GAS7: variants seen among roughly 807,000 people sequenced by gnomAD.
The protein encoded by GAS7 is growth arrest-specific protein 7.
A neutral mutation model predicts 71.1 loss-of-function variants in GAS7; 28 were observed. That is an observed-to-expected ratio of 0.39 (90% confidence interval 0.29 to 0.54). The LOEUF is 0.54. Among genes scored for constraint, GAS7 ranks in the 20% least tolerant of loss-of-function variants. The probability of loss-of-function intolerance (pLI) is 0.62; values close to 1 mark genes in which losing one functional copy is unlikely to be tolerated. For synonymous variants in GAS7, 258 were observed against 245.8 expected, an observed-to-expected ratio of 1.05 and a Z score of -0.46; for missense variants, 436 against 627.8, an observed-to-expected ratio of 0.69 and a Z score of 3.27.
In GAS7 at chr17:10,089,524, A is replaced by C. The variant is rs938995916; in HGVS notation, c.184-69627T>G. Among the ~76,000 whole-genome samples the C allele has an allele frequency of 5.0e-4, 76 of 152,300 alleles. No homozygotes were observed. In the East Asian group the frequency reaches 0.01, roughly 21 times the overall value. On this transcript the variant is annotated intron_variant, in intron 1 of 13. Coordinates refer to ENST00000432992, the MANE Select transcript of GAS7 (RefSeq NM_201433.2). ...TCAGAGAAAGAGAACACAGTAAAAA[A>C]AAAAAAAAAGTATTTAAAGACCATG...
Position 10,034,057 on chromosome 17 carries a change from A to G in GAS7, c.184-14160T>C. 1 of 930,778 alleles carries G rather than the reference A, an allele frequency of 1.1e-6. No individual in the cohort carries two copies. The allele number at this position is 930,778 out of a possible 1,614,324, so 57.7% of individuals were successfully genotyped here. A position where few individuals can be genotyped will look rare whatever the true frequency, so the allele number is the denominator to read the frequency against. ...TGGAGCTGCTGCCGCTGGCACATAT[A>G]AAGTAGGCAAATGGTGACAGCCAAG... On this transcript the variant is annotated intron_variant, in intron 1 of 13. Transcript: ENST00000432992. This position sits in a 1 kb window ranked among gnomAD's most constrained non-coding sequence, Gnocchi z 4.4.
intron 1 of GAS7, among the ~76,000 whole-genome samples, chr17:10,115,922 C>G (rs1307972188): frequency 6.6e-6 from 1 of 152,182 alleles, no homozygotes; most frequent in Admixed American, 6.5e-5. Context: ...CTCTCCCAAA[C>G]AGATCATCCA....
chr17:10,168,701 G>A (rs1043628387), intron 1 of GAS7, among the ~76,000 whole-genome samples: 10 of 152,150 alleles, frequency 6.6e-5, no homozygotes, highest in African/African-American at 2.4e-4. Flanking sequence ...GGCTGGGCAC[G>A]GTGGCTCATG....
chr17:9,913,725 C>A lies in GAS7; in HGVS notation c.*3503G>T. 1 of 231,830 alleles carries A rather than the reference C, an allele frequency of 4.3e-6. No homozygotes were observed. The highest frequency in any genetic ancestry group is 8.5e-6 in the Non-Finnish European group (1 of 117,154). 14.4% of individuals were successfully genotyped at this position (231,830 alleles called of 1,614,324 possible). On this transcript the variant is annotated 3_prime_UTR_variant, in exon 14 of 14. Coordinates refer to ENST00000432992, the MANE Select transcript of GAS7 (RefSeq NM_201433.2). ...GCCGCCATCCCCACGGTCCAAGGGGCCTATGTGTTGCCACTGACTGAAAGC... is the reference window on the plus strand; with the variant it reads ...GCCGCCATCCCCACGGTCCAAGGGGACTATGTGTTGCCACTGACTGAAAGC...
At position 9,918,002 on chromosome 17, in the gene GAS7, C is replaced by T. The variant is rs1357662469; in HGVS notation, c.1316G>A (p.Ser439Asn). Residue 439 changes from serine to asparagine, a missense_variant and splice_region_variant, in exon 13 of 14, where the codon AGC (serine) becomes AAC (asparagine). Coordinates refer to ENST00000432992, the MANE Select transcript of GAS7 (RefSeq NM_201433.2). ...AGCCCCGCTGGGCTGGAAACTCACG[C>T]TTTGGTTGAACATGTCTGTTTCATG... ...LRHETDMFNQSTVEPVDQLLR... is the reference protein window; with the variant it reads ...LRHETDMFNQNTVEPVDQLLR... 2 of 1,611,030 alleles carry T rather than the reference C, an allele frequency of 1.2e-6. No homozygotes were observed. Among genetic ancestry groups the T allele is most frequent in the Non-Finnish European group, 1.7e-6 (2 of 1,177,508 alleles).
chr17:9,977,751 AG>A (rs919688724), intron 3 of GAS7, among the ~76,000 whole-genome samples: 9 of 47,448 alleles, frequency 1.9e-4, no homozygotes, highest in South Asian at 1.6e-3. Flanking sequence ...GGGGTGGGGA[AG>A]GGGGGGGTTG....
intron 2 of GAS7, among the ~76,000 whole-genome samples, chr17:9,998,615 G>A (rs2071138088): frequency 6.6e-6 from 1 of 151,262 alleles, no homozygotes; most frequent in South Asian, 2.1e-4. Context: ...TTTAAAAAGT[G>A]GAAAAGACAG....
At chr17:9,991,494 G>C (rs1027649900) in intron 2 of GAS7, among the ~76,000 whole-genome samples, 10 of 152,198 alleles carry the variant, frequency 6.6e-5, no homozygotes, top group African/African-American at 1.9e-4. Flanking sequence ...CTGGCCCTTT[G>C]ATATTTGCCA....
At chr17:10,109,368 T>C (rs1159554885) in intron 1 of GAS7, among the ~76,000 whole-genome samples, 1 of 152,178 alleles carries the variant, frequency 6.6e-6, no homozygotes. Flanking sequence ...GTTCCATTCA[T>C]GTTGCTGCTA....
intron 1 of GAS7, among the ~76,000 whole-genome samples, chr17:10,193,278 A>C (rs947504173): frequency 1.6e-4 from 24 of 147,134 alleles, no homozygotes; most frequent in Admixed American, 1.2e-3. Flanking sequence ...AAAAAAAAAA[A>C]CCCTCCAAGG....
intron 1 of GAS7, among the ~76,000 whole-genome samples, chr17:10,031,371 G>A (rs1041442355): frequency 5.3e-5 from 8 of 152,330 alleles, no homozygotes; most frequent in African/African-American, 1.9e-4. Flanking sequence ...GATACAGGAA[G>A]TTCACCCATC....
intron 1 of GAS7, among the ~76,000 whole-genome samples, chr17:10,063,448 A>G (rs2073242332): frequency 6.6e-6 from 1 of 152,156 alleles, no homozygotes; most frequent in South Asian, 2.1e-4. Flanking sequence ...CAAAGCTACC[A>G]TCTCTGCTCC....
intron 2 of GAS7, among the ~76,000 whole-genome samples, chr17:9,995,172 T>C (rs1211989872): frequency 6.6e-6 from 1 of 152,204 alleles, no homozygotes; most frequent in East Asian, 1.9e-4. Context: ...CCTGCTTTCA[T>C]ACCTATCCCT....
intron 8 of GAS7, among the ~76,000 whole-genome samples, chr17:9,938,708 T>C (rs1367435880): frequency 1.3e-5 from 2 of 152,046 alleles, no homozygotes; most frequent in African/African-American, 4.8e-5. Context: ...GGACATCTTG[T>C]GGCAGCCCAA....
intron 1 of GAS7, among the ~76,000 whole-genome samples, chr17:10,093,375 T>A (rs1355796976): frequency 6.6e-6 from 1 of 151,886 alleles, no homozygotes; most frequent in Non-Finnish European, 1.5e-5. Context: ...ATTGAGACCA[T>A]CCTGGCTAAC....
rs746550145 is a variant in GAS7, at chr17:10,185,879, A to C, written c.183+12329T>G. Among the ~76,000 whole-genome samples the C allele has an allele frequency of 3.2e-4, 48 of 150,410 alleles. No homozygotes were observed. In the Middle Eastern group the frequency reaches 0.017, roughly 54 times the overall value. ...GTGTGAGTGTGGAGAAACAGGATGG[A>C]GTGTGAGCAGAGAGTTTGGTTTTTT... is the stretch of plus-strand genomic sequence containing the variant. On this transcript the variant is annotated intron_variant, in intron 1 of 13. Transcript: ENST00000432992.
chr17:9,997,845 A>C (rs1267550283), intron 2 of GAS7, among the ~76,000 whole-genome samples: 1 of 152,240 alleles, frequency 6.6e-6, no homozygotes, highest in Non-Finnish European at 1.5e-5. Flanking sequence ...AGGCTATGAC[A>C]AAGGATACAG....
At chr17:10,058,451 CAA>C (rs1303509856) in intron 1 of GAS7, among the ~76,000 whole-genome samples, 20 of 92,874 alleles carry the variant, frequency 2.2e-4, no homozygotes, top group Non-Finnish European at 1.7e-4. Flanking sequence ...GACTCCGTCT[CAA>C]AAAAAAAAAA....
intron 13 of GAS7, among the ~76,000 whole-genome samples, 194 bp downstream of exon 13, chr17:9,917,807 G>A (rs2067635967): frequency 6.6e-6 from 1 of 152,194 alleles, no homozygotes; most frequent in Non-Finnish European, 1.5e-5. Context: ...TGCCAGGGTC[G>A]GAATCACACA....
Sources: allele counts gnomAD v4.1 joint callset (sites outside exome capture counted in the v4.1 genomes callset), GRCh38; gene constraint gnomAD v4.1.1; non-coding constraint Gnocchi (gnomAD v3.1); transcripts MANE v1.5; gene names NCBI Gene and HGNC (gene_info 2026-07-23, HGNC 2026-07-21).